The following SNAP25 variants were observed in gnomAD, a reference collection of about 807,000 sequenced individuals.
SNAP25 encodes the protein synaptosome associated protein 25, also known as synaptosomal-associated protein 25.
Under a neutral mutation model 28.7 loss-of-function variants are expected in SNAP25, and 3 were observed. The ratio of observed to expected loss-of-function variants is 0.10; its 90% CI spans 0.05 to 0.27. The LOEUF is 0.27. Among genes scored for constraint, SNAP25 ranks in the 10% least tolerant of loss-of-function variants. The pLI is 1.00. For synonymous variants in SNAP25, 61 were observed against 88.1 expected, an observed-to-expected ratio of 0.69 and a Z score of 1.72; for missense variants, 117 against 278.7, an observed-to-expected ratio of 0.42 and a Z score of 4.13.
chr20:10,232,765 A>T (rs973029761), intron 1 of SNAP25, among the ~76,000 whole-genome samples: 1 of 152,192 alleles, frequency 6.6e-6, no homozygotes, highest in Admixed American at 6.5e-5. Context: ...TGCAGGATAG[A>T]GACATAGAGT....
intron 1 of SNAP25, among the ~76,000 whole-genome samples, chr20:10,235,401 C>T (rs1215125395): frequency 1.3e-5 from 2 of 152,178 alleles, no homozygotes; most frequent in African/African-American, 4.8e-5. Context: ...AGTCTAATAG[C>T]TACCATAATT....
At chr20:10,246,166 A>G (rs1369364577) in intron 1 of SNAP25, among the ~76,000 whole-genome samples, 1 of 152,228 alleles carries the variant, frequency 6.6e-6, no homozygotes, top group East Asian at 1.9e-4. Context: ...AGTCTGAGCT[A>G]TTTCTGAGCC....
chr20:10,246,498 C>G (rs982133829), intron 1 of SNAP25, among the ~76,000 whole-genome samples: 2 of 152,118 alleles, frequency 1.3e-5, no homozygotes, highest in African/African-American at 4.8e-5. Context: ...GGCAAACCAC[C>G]CTGACAGTGG....
At chr20:10,234,051 TA>T (rs1047127807) in intron 1 of SNAP25, among the ~76,000 whole-genome samples, 2 of 152,348 alleles carry the variant, frequency 1.3e-5, no homozygotes, top group East Asian at 3.9e-4. Context: ...GCTGGTAACT[TA>T]AAAGAACCAT....
chr20:10,299,218 C>A, intron 6 of SNAP25, 50 bp from the exon 7 acceptor site: 1 of 1,596,938 alleles, frequency 6.3e-7, no homozygotes, highest in Non-Finnish European at 8.5e-7. Flanking sequence ...CCTTGGTATT[C>A]AATATGTTTT....
At chr20:10,296,021 G>A (rs1426338536) in intron 5 of SNAP25, among the ~76,000 whole-genome samples, 2 of 152,140 alleles carry the variant, frequency 1.3e-5, no homozygotes, top group Admixed American at 6.5e-5. Context: ...CTGAACCTGC[G>A]TTTCAAATCC....
At chr20:10,220,635 C>T (rs1173779056) in intron 1 of SNAP25, among the ~76,000 whole-genome samples, 1 of 152,206 alleles carries the variant, frequency 6.6e-6, no homozygotes, top group African/African-American at 2.4e-5. Context: ...GGGTATTTCT[C>T]TCTGTTTGAT....
At chr20:10,253,386 C>T (rs1391010502) in intron 1 of SNAP25, among the ~76,000 whole-genome samples, 4 of 152,198 alleles carry the variant, frequency 2.6e-5, no homozygotes, top group African/African-American at 9.7e-5. Flanking sequence ...GGATTCGAAT[C>T]CTGATTCTGC....
chr20:10,260,108 C>G (rs1389153736), intron 1 of SNAP25, among the ~76,000 whole-genome samples: 1 of 152,160 alleles, frequency 6.6e-6, no homozygotes, highest in Non-Finnish European at 1.5e-5. Flanking sequence ...CCTCCCAGTG[C>G]TGATGGTTTT....
intron 1 of SNAP25, among the ~76,000 whole-genome samples, chr20:10,235,705 A>G (rs1175718239): frequency 6.6e-6 from 1 of 152,158 alleles, no homozygotes; most frequent in Non-Finnish European, 1.5e-5. Context: ...TCTTCAGTCA[A>G]TTGGTAGATT....
At position 10,306,418 on chromosome 20, in the gene SNAP25, G is replaced by C; in HGVS notation, c.*221G>C. The C allele has an allele frequency of 2.3e-6, 1 of 436,220 alleles. No individual in the cohort carries two copies. The highest frequency in any genetic ancestry group is 4.1e-6 in the Non-Finnish European group (1 of 242,720). 27.0% of individuals were successfully genotyped at this position (436,220 alleles called of 1,614,324 possible). A position where few individuals can be genotyped will look rare whatever the true frequency, so the allele number is the denominator to read the frequency against. ...AAAGGTTGTACATAGTGGTCATTTGGTGGCTCTAACTCCTTGAGGTCTTGA... is the reference window on the plus strand; with the variant it reads ...AAAGGTTGTACATAGTGGTCATTTGCTGGCTCTAACTCCTTGAGGTCTTGA... On this transcript the variant is annotated 3_prime_UTR_variant, in exon 8 of 8. Coordinates refer to ENST00000254976, the MANE Select transcript of SNAP25 (RefSeq NM_130811.4).
chr20:10,256,356 G>A (rs1027256785), intron 1 of SNAP25, among the ~76,000 whole-genome samples: 6 of 152,124 alleles, frequency 3.9e-5, no homozygotes. Flanking sequence ...AAATGATGTT[G>A]AAAAAGGAGC....
At chr20:10,238,044 C>G (rs1171642510) in intron 1 of SNAP25, among the ~76,000 whole-genome samples, 1 of 152,184 alleles carries the variant, frequency 6.6e-6, no homozygotes, top group Non-Finnish European at 1.5e-5. Context: ...GGCTATCCCT[C>G]TTATCCTCCA....
At chr20:10,256,704 T>C (rs1360348430) in intron 1 of SNAP25, among the ~76,000 whole-genome samples, 1 of 151,982 alleles carries the variant, frequency 6.6e-6, no homozygotes, top group Non-Finnish European at 1.5e-5. Flanking sequence ...AATATGTTCA[T>C]GATAGCCTAA....
intron 6 of SNAP25, 136 bp from the exon 7 acceptor site, chr20:10,299,132 T>G: frequency 1.0e-6 from 1 of 999,870 alleles, no homozygotes; most frequent in Non-Finnish European, 1.4e-6. Flanking sequence ...CTAAAATGTG[T>G]TTTTGTACTG....
At chr20:10,292,788 T>G (rs946234184) in intron 4 of SNAP25, 12 of 784,362 alleles carry the variant, frequency 1.5e-5, no homozygotes, top group Admixed American at 1.2e-4. Flanking sequence ...GTAATATCTC[T>G]CTTTCAAATT....
chr20:10,255,708 A>C (rs1412068274), intron 1 of SNAP25, among the ~76,000 whole-genome samples: 2 of 152,228 alleles, frequency 1.3e-5, no homozygotes, highest in African/African-American at 2.4e-5. Context: ...TGTGTCCTCC[A>C]TTTATAGAAT....
chr20:10,228,242 T>A (rs2062767063), intron 1 of SNAP25, among the ~76,000 whole-genome samples: 1 of 152,200 alleles, frequency 6.6e-6, no homozygotes, highest in South Asian at 2.1e-4. Flanking sequence ...ACTTCCTAAA[T>A]GTCTACTGTG....
intron 1 of SNAP25, among the ~76,000 whole-genome samples, chr20:10,245,965 C>A (rs1390334067): frequency 6.6e-6 from 1 of 152,160 alleles, no homozygotes; most frequent in South Asian, 2.1e-4. Flanking sequence ...TTAAACATAC[C>A]TTTACCGAAG....
Sources: allele counts gnomAD v4.1 joint callset (sites outside exome capture counted in the v4.1 genomes callset), GRCh38; gene constraint gnomAD v4.1.1; transcripts MANE v1.5; gene names NCBI Gene and HGNC (gene_info 2026-07-23, HGNC 2026-07-21).